PRRC2B: variants seen among roughly 807,000 people sequenced by gnomAD.
PRRC2B encodes proline rich coiled-coil 2B.
Under a neutral mutation model 242.3 loss-of-function variants are expected in PRRC2B, and 68 were observed. The ratio of observed to expected loss-of-function variants is 0.28; its 90% CI spans 0.23 to 0.34. The LOEUF is 0.34. PRRC2B is among the 10% of genes least tolerant of loss of function. The pLI, the probability that PRRC2B is intolerant of heterozygous loss-of-function variation, is 1.00. For synonymous variants in PRRC2B, 1,228 were observed against 1,173.6 expected (o/e 1.05, Z -0.95); for missense variants, 2,835 against 2,954.8 (o/e 0.96, Z 0.94).
chr9:131,432,526 T>G, intron 2 of PRRC2B, 91 bp from the exon 3 acceptor site: 1 of 1,256,086 alleles, frequency 8.0e-7, no homozygotes, highest in South Asian at 1.4e-5. Flanking sequence ...TTATGATCAC[T>G]TAGAGATTGA....
At position 131,446,383 on chromosome 9, in the gene PRRC2B, C is replaced by G; in HGVS notation, c.614-18C>G. 6.2e-7 allele frequency: 1 copy of G among 1,612,860 alleles called. No homozygotes were observed. The highest frequency in any genetic ancestry group is 8.5e-7 in the Non-Finnish European group (1 of 1,179,488). On this transcript the variant is annotated intron_variant, in intron 6 of 31. Transcript: ENST00000683519. This position sits in a 1 kb window ranked among gnomAD's most constrained non-coding sequence, Gnocchi z 4.1. Reference sequence around the variant, plus strand: ...CCCTCCTCTTCCCTCTCCCCTTTTGCCCCCTTTCAATTTCCAGATGTGACA... The same window carrying G: ...CCCTCCTCTTCCCTCTCCCCTTTTGGCCCCTTTCAATTTCCAGATGTGACA...
chr9:131,418,411 G>A lies in PRRC2B; in HGVS notation c.-51-11683G>A, dbSNP rs1044846749. Among the ~76,000 whole-genome samples the A allele has an allele frequency of 3.3e-5, 5 of 152,338 alleles. No homozygotes were observed. In the South Asian group the frequency reaches 1.0e-3, roughly 32 times the overall value. On this transcript the variant is annotated intron_variant, in intron 1 of 31. Transcript: ENST00000683519. ...AGGTGGGAGTTTAGATTCAGCGTTG[G>A]TTATTATTTGGGGGATGATAGAACC...
chr9:131,421,862 TATATC>T (rs1837850298), intron 1 of PRRC2B, among the ~76,000 whole-genome samples: 1 of 152,146 alleles, frequency 6.6e-6, no homozygotes, highest in Non-Finnish European at 1.5e-5. Context: ...TGGGCTGACT[TATATC>T]AGAACCCATT....
At chr9:131,445,449 G>A (rs985378524) in intron 6 of PRRC2B, among the ~76,000 whole-genome samples, 4 of 152,196 alleles carry the variant, frequency 2.6e-5, no homozygotes, top group African/African-American at 9.6e-5. Context: ...GTGAGCCACC[G>A]CGCCCAGCCT....
In PRRC2B at chr9:131,475,645, C is replaced by A. The variant is rs147443269; in HGVS notation, c.3516C>A (p.Gly1172=). 3.6e-5 allele frequency: 58 copies of A among 1,610,552 alleles called. 1 individual carries two copies. In the South Asian group the frequency reaches 6.2e-4, roughly 17 times the overall value. ...LEREESTLKK[G]DCRDSWRSNK... is the part of the protein sequence containing the mutation. The stretch of plus-strand genomic sequence containing the variant: ...GGGAGGAGAGCACCTTGAAGAAGGG[C>A]GACTGCAGAGATTCTTGGCGGTCCA... Residue 1172 remains glycine (G), a synonymous_variant, in exon 16 of 32, where the codon GGC becomes GGA. Coordinates refer to ENST00000683519, the MANE Select transcript of PRRC2B (RefSeq NM_013318.4).
rs889470295 is a variant in PRRC2B, at chr9:131,420,499, T to TCTTTCTTTCTTTCTTTC, written c.-51-9595_-51-9594insCTTTCTTTCTTTCTTTC. On this transcript the variant is annotated intron_variant, in intron 1 of 31. Coordinates refer to ENST00000683519, the MANE Select transcript of PRRC2B (RefSeq NM_013318.4). ...TTTCTTTCTTTCTTTCTTTCTTTTT[T>TCTTTCTTTCTTTCTTTC]TTTTTTTTTTTGAGATGGAGGCTCC... Among the ~76,000 whole-genome samples, 48 of 84,462 alleles carry TCTTTCTTTCTTTCTTTC rather than the reference T, an allele frequency of 5.7e-4. 1 individual carries two copies. Among genetic ancestry groups the TCTTTCTTTCTTTCTTTC allele is most frequent in the South Asian group, 1.1e-3 (3 of 2,708 alleles). 55.4% of individuals were successfully genotyped at this position (84,462 alleles called of 152,430 possible).
chr9:131,408,885 A>T (rs1837435266), intron 1 of PRRC2B, among the ~76,000 whole-genome samples: 1 of 151,766 alleles, frequency 6.6e-6, no homozygotes, highest in African/African-American at 2.4e-5. Context: ...ACACCCAGCT[A>T]ATTTTGTGTT....
chr9:131,454,991 G>T, intron 9 of PRRC2B, 85 bp from the exon 10 acceptor site: 1 of 997,896 alleles, frequency 1.0e-6, no homozygotes, highest in South Asian at 1.4e-5. Context: ...CAAAGTACTG[G>T]GATTACAGGC....
At chr9:131,461,127 G>A (rs1348148617) in intron 11 of PRRC2B, among the ~76,000 whole-genome samples, 3 of 151,970 alleles carry the variant, frequency 2.0e-5, no homozygotes, top group South Asian at 2.1e-4. Flanking sequence ...ATCTCTCATC[G>A]TCCCTCGTAT....
At chr9:131,489,379 T>C (rs372595928) in intron 28 of PRRC2B, among the ~76,000 whole-genome samples, 30 of 151,626 alleles carry the variant, frequency 2.0e-4, no homozygotes, top group African/African-American at 7.0e-4. Context: ...GAGATGGGGG[T>C]TTCACCATGT....
At chr9:131,396,993 C>T (rs957285106) in intron 1 of PRRC2B, among the ~76,000 whole-genome samples, 2 of 152,180 alleles carry the variant, frequency 1.3e-5, no homozygotes, top group Admixed American at 6.5e-5. Context: ...CCGCAACCAT[C>T]TTGTTGGTTT....
intron 1 of PRRC2B, among the ~76,000 whole-genome samples, chr9:131,399,029 A>G (rs1469904021): frequency 6.6e-6 from 1 of 151,828 alleles, no homozygotes; most frequent in Non-Finnish European, 1.5e-5. Flanking sequence ...TAATCCAAGC[A>G]CTTTGGCAGG....
In PRRC2B at chr9:131,436,608, G is replaced by T. The variant is rs1564283596; in HGVS notation, c.294-12G>T. On this transcript the variant is annotated splice_polypyrimidine_tract_variant and intron_variant, in intron 3 of 31. Coordinates refer to ENST00000683519, the MANE Select transcript of PRRC2B (RefSeq NM_013318.4). ...GTGCGGTGCCTGACCCCACTGCCCTGCCTTTGTCTAGTTCCAGTGCGACGG... is the reference window on the plus strand; with the variant it reads ...GTGCGGTGCCTGACCCCACTGCCCTTCCTTTGTCTAGTTCCAGTGCGACGG... 3.1e-6 allele frequency: 5 copies of T among 1,610,944 alleles called. No individual in the cohort carries two copies. The highest frequency in any genetic ancestry group is 2.2e-5 in the East Asian group (1 of 44,878).
intron 1 of PRRC2B, among the ~76,000 whole-genome samples, chr9:131,417,578 T>C (rs1479267695): frequency 3.3e-5 from 5 of 152,160 alleles, no homozygotes; most frequent in Non-Finnish European, 7.3e-5. Flanking sequence ...TGTTGTGGCA[T>C]CTTTCAGTCT....
At chr9:131,403,727 A>G (rs7867269) in intron 1 of PRRC2B, among the ~76,000 whole-genome samples, 2,521 of 151,816 alleles carry the variant, frequency 0.017, 80 homozygotes, top group African/African-American at 0.058. Flanking sequence ...CTTTTCCCCA[A>G]TGTCCCAGGC....
In PRRC2B at chr9:131,378,955, G is replaced by A. The variant is rs148809801; in HGVS notation, c.-56+5224G>A. Among the ~76,000 whole-genome samples the A allele has an allele frequency of 6.0e-3, 921 of 152,292 alleles. 10 individuals are homozygous for A. The highest frequency in any genetic ancestry group is 0.021 in the African/African-American group (868 of 41,572). ...GCTGGTCTTGAACTCCTGACCTCAA[G>A]TGATCTGCCCACCTCGGCCTTCCAA... On this transcript the variant is annotated intron_variant, in intron 1 of 1. Transcript: ENST00000682525.
chr9:131,383,486 C>G (rs1259245846), intron 1 of PRRC2B, among the ~76,000 whole-genome samples: 1 of 152,110 alleles, frequency 6.6e-6, no homozygotes, highest in Non-Finnish European at 1.5e-5. Context: ...AGAGCCAGGT[C>G]CCAAGATATT....
intron 28 of PRRC2B, among the ~76,000 whole-genome samples, chr9:131,489,063 G>C (rs1944108052): frequency 6.6e-6 from 1 of 151,998 alleles, no homozygotes; most frequent in African/African-American, 2.4e-5. Flanking sequence ...GTGCACTCCT[G>C]TCTAGGCTTG....
intron 11 of PRRC2B, 59 bp from the exon 12 acceptor site, chr9:131,464,704 G>T: frequency 6.9e-7 from 1 of 1,448,112 alleles, no homozygotes; most frequent in Non-Finnish European, 9.2e-7. Context: ...AAGTGGGAGT[G>T]GTTCCTGTAT....
Sources: gnomAD v4.1 joint callset for allele counts (sites outside exome capture counted in the v4.1 genomes callset) on GRCh38, gnomAD v4.1.1 for gene constraint, Gnocchi (gnomAD v3.1) non-coding constraint, MANE v1.5 for transcripts, NCBI Gene and HGNC (gene_info 2026-07-23, HGNC 2026-07-21) for gene names.